Variants in UBR3 observed in about 807,000 individuals in gnomAD.
UBR3 encodes ubiquitin protein ligase E3 component n-recognin 3.
In UBR3, 85 loss-of-function variants were observed where a neutral mutation model predicts 243.2. That is an observed-to-expected ratio of 0.35 (90% confidence interval 0.29 to 0.42). The LOEUF is 0.42. Ranked by LOEUF, UBR3 falls within the 10% of genes least tolerant of loss-of-function variation. The probability of loss-of-function intolerance (pLI) is 1.00; values close to 1 mark genes in which losing one functional copy is unlikely to be tolerated. For synonymous variants in UBR3, 748 were observed against 799.8 expected (o/e 0.94, Z 1.09); for missense variants, 1,686 against 2,300.8 (o/e 0.73, Z 5.47).
rs1007442204 is a variant in UBR3 at position 169,994,421 on chromosome 2, G to A, written c.3883G>A (p.Val1295Met). ...PWDTCAAVHD[V>M]RLSLLQRYFK... Reference sequence around the variant, plus strand: ...GGATACCTGTGCAGCCGTTCATGATGTGAGGCTTTCATTATTACAGCGTTA... The same window carrying A: ...GGATACCTGTGCAGCCGTTCATGATATGAGGCTTTCATTATTACAGCGTTA... The change falls in exon 26 of 39, where the codon GTG (valine) becomes ATG (methionine). Residue 1295 changes from valine (V) to methionine (M), a missense_variant. By Grantham distance (21) the Val-to-Met change is conservative. Transcript: ENST00000272793. The A allele has an allele frequency of 6.2e-6, 10 of 1,614,042 alleles. No individual in the cohort carries two copies. Among genetic ancestry groups the A allele is most frequent in the Non-Finnish European group, 8.5e-6 (10 of 1,180,026 alleles).
intron 25 of UBR3, among the ~76,000 whole-genome samples, chr2:169,989,276 C>A (rs1308884818): frequency 1.3e-5 from 2 of 151,768 alleles, no homozygotes; most frequent in African/African-American, 4.8e-5. Context: ...AAAATTTTCC[C>A]ATTGTCTCTA....
At chr2:169,873,865 T>C (rs1384611292) in intron 2 of UBR3, among the ~76,000 whole-genome samples, 1 of 152,206 alleles carries the variant, frequency 6.6e-6, no homozygotes, top group African/African-American at 2.4e-5. Context: ...ATGTTTTGTA[T>C]TACAGGTGTC....
chr2:169,889,011 A>G (rs1361150108), intron 5 of UBR3, among the ~76,000 whole-genome samples: 2 of 152,180 alleles, frequency 1.3e-5, no homozygotes, highest in African/African-American at 2.4e-5. Context: ...TTAAATTCCT[A>G]GAACTGGAAT....
Position 170,008,839 on chromosome 2 carries a change from A to G in UBR3, c.4266A>G (p.Val1422=). The part of the protein sequence containing the change: ...ETNLSKEMES[V]MKDIKNTTQK... ...ATTTAAGTAAAGAAATGGAATCTGT[A>G]ATGAAAGATATAAAAAATACCACTC... The change falls in exon 29 of 39, where the codon GTA becomes GTG. Residue 1422 remains valine (V), a synonymous_variant. Coordinates refer to ENST00000272793, the MANE Select transcript of UBR3 (RefSeq NM_172070.4). The G allele has an allele frequency of 1.4e-6, 2 of 1,468,986 alleles. No homozygotes were observed. Among genetic ancestry groups the G allele is most frequent in the Non-Finnish European group, 9.4e-7 (1 of 1,061,544 alleles). The allele number at this position is 1,468,986 out of a possible 1,614,324, so 91.0% of individuals were successfully genotyped here. A position where few individuals can be genotyped will look rare whatever the true frequency, so the allele number is the denominator to read the frequency against.
intron 2 of UBR3, among the ~76,000 whole-genome samples, chr2:169,872,878 C>T (rs2083477635): frequency 6.6e-6 from 1 of 151,930 alleles, no homozygotes; most frequent in African/African-American, 2.4e-5. Context: ...GTGTAATCAT[C>T]ATGTTAATAT....
At chr2:170,007,407 T>TA (rs1438151025) in intron 28 of UBR3, among the ~76,000 whole-genome samples, 13 of 152,196 alleles carry the variant, frequency 8.5e-5, no homozygotes, top group African/African-American at 2.9e-4. Flanking sequence ...TGAGTTTTAA[T>TA]ATACGTCTTC....
At chr2:169,986,149 GCTA>G (rs1465356275) in intron 24 of UBR3, among the ~76,000 whole-genome samples, 8 of 152,034 alleles carry the variant, frequency 5.3e-5, no homozygotes, top group African/African-American at 1.9e-4. Context: ...CATATTGATA[GCTA>G]CTATTTCTGA....
At chr2:170,074,662 A>C (rs1213501962) in intron 36 of UBR3, among the ~76,000 whole-genome samples, 1 of 152,220 alleles carries the variant, frequency 6.6e-6, no homozygotes, top group Non-Finnish European at 1.5e-5. Flanking sequence ...ACTGTTTGCT[A>C]AGTAACATTT....
intron 1 of UBR3, among the ~76,000 whole-genome samples, chr2:169,862,804 G>A (rs1036382934): frequency 1.2e-4 from 18 of 152,080 alleles, no homozygotes; most frequent in South Asian, 4.1e-4. Flanking sequence ...AGTCAAATAT[G>A]TCATTTAATG....
chr2:169,855,646 T>G (rs962338393), intron 1 of UBR3, among the ~76,000 whole-genome samples: 10 of 152,338 alleles, frequency 6.6e-5, no homozygotes, highest in African/African-American at 2.4e-4. Flanking sequence ...AGCACATGTT[T>G]CAGAGAGCAC....
At chr2:169,912,357 C>G (rs915888643) in intron 10 of UBR3, among the ~76,000 whole-genome samples, 13 of 152,094 alleles carry the variant, frequency 8.5e-5, no homozygotes, top group Non-Finnish European at 2.9e-5. Flanking sequence ...AATTGCATAC[C>G]TCCCAATTCC....
intron 1 of UBR3, among the ~76,000 whole-genome samples, chr2:169,838,073 AT>A (rs1178106476): frequency 6.6e-6 from 1 of 152,148 alleles, no homozygotes; most frequent in Non-Finnish European, 1.5e-5. Context: ...TCCTGTTTTC[AT>A]TTGAATTTCA....
intron 7 of UBR3, among the ~76,000 whole-genome samples, chr2:169,895,831 T>C (rs1381076817): frequency 3.9e-5 from 6 of 152,154 alleles, no homozygotes; most frequent in Admixed American, 2.0e-4. Context: ...TGTTACTATC[T>C]TACGGTTATG....
chr2:169,835,356 T>C (rs897512729), intron 1 of UBR3, among the ~76,000 whole-genome samples: 12 of 152,116 alleles, frequency 7.9e-5, no homozygotes, highest in African/African-American at 2.9e-4. Flanking sequence ...CAACATGAAG[T>C]GACCTCATCT....
At chr2:169,867,325 T>A (rs1238162822) in intron 1 of UBR3, among the ~76,000 whole-genome samples, 1 of 152,234 alleles carries the variant, frequency 6.6e-6, no homozygotes, top group Non-Finnish European at 1.5e-5. Flanking sequence ...ATTTCTCACT[T>A]AATTTATCTT....
chr2:169,858,800 A>G (rs1403323837), intron 1 of UBR3, among the ~76,000 whole-genome samples: 3 of 151,972 alleles, frequency 2.0e-5, no homozygotes, highest in African/African-American at 7.2e-5. Context: ...GGGTTTCACC[A>G]TGTTGGCCAG....
At position 169,828,072 on chromosome 2, in the gene UBR3, C is replaced by T. The variant is rs1484052508; in HGVS notation, c.545+20C>T. ...GAGCGGGTGAGTGGAGCCCTCCCCG[C>T]GGGCGAGGCGACCCTGGGCCGGGGA... On this transcript the variant is annotated intron_variant, in intron 1 of 38. Coordinates refer to ENST00000272793, the MANE Select transcript of UBR3 (RefSeq NM_172070.4). 11 of 1,351,590 alleles carry T rather than the reference C, an allele frequency of 8.1e-6. No homozygotes were observed. Among genetic ancestry groups the T allele is most frequent in the Non-Finnish European group, 9.5e-6 (10 of 1,049,268 alleles). 83.7% of individuals were successfully genotyped at this position (1,351,590 alleles called of 1,614,324 possible).
chr2:169,833,583 A>T (rs978529466), intron 1 of UBR3, among the ~76,000 whole-genome samples: 1 of 152,214 alleles, frequency 6.6e-6, no homozygotes, highest in Non-Finnish European at 1.5e-5. Context: ...TATTAAATCC[A>T]TAGCAGCTTT....
chr2:169,937,009 T>C (rs1166671710), intron 19 of UBR3, among the ~76,000 whole-genome samples: 1 of 152,240 alleles, frequency 6.6e-6, no homozygotes, highest in African/African-American at 2.4e-5. Context: ...TATAGCAGCA[T>C]GATTTATAAC....
Sources: gnomAD v4.1 joint callset for allele counts (sites outside exome capture counted in the v4.1 genomes callset) on GRCh38, gnomAD v4.1.1 for gene constraint, MANE v1.5 for transcripts, NCBI Gene and HGNC (gene_info 2026-07-23, HGNC 2026-07-21) for gene names.